Variants in BSX observed in about 807,000 individuals in gnomAD.
BSX encodes the protein brain specific homeobox, also known as brain-specific homeobox protein homolog.
BSX carries 12 observed loss-of-function variants against 16.9 expected under a neutral mutation model. The observed-to-expected ratio is 0.71, with a 90% CI of 0.46 to 1.15. The LOEUF is 1.15. Among genes scored for constraint, BSX ranks in the 50% most tolerant of loss-of-function variants. BSX has a pLI of 0.00. For synonymous variants in BSX, 160 were observed against 136.4 expected (o/e 1.17, Z -1.20); for missense variants, 292 against 311.8 (o/e 0.94, Z 0.48).
intron 1 of BSX, among the ~76,000 whole-genome samples, chr11:122,980,682 A>G (rs1267116611): frequency 6.6e-6 from 1 of 152,180 alleles, no homozygotes; most frequent in Non-Finnish European, 1.5e-5. Context: ...TCCTGTCCCA[A>G]ACAGACTTTG....
intron 2 of BSX, 46 bp downstream of exon 2, chr11:122,979,215 G>A: frequency 6.5e-7 from 1 of 1,545,716 alleles, no homozygotes. Flanking sequence ...CTTGAAGGCA[G>A]AGAGGAACGA....
At position 122,977,655 on chromosome 11, in the gene BSX, C is replaced by A. The variant is rs770005772; in HGVS notation, c.696G>T (p.Val232=). The A allele has an allele frequency of 1.9e-6, 3 of 1,608,416 alleles. No individual in the cohort carries two copies. The highest frequency in any genetic ancestry group is 2.5e-6 in the Non-Finnish European group (3 of 1,179,772). The part of the protein sequence containing the change: ...DEGELGSGPH[V]L Reference sequence around the variant, plus strand: ...CCCTCCCCAGCCTGGCGGCTCAGAGCACGTGCGGCCCTGAGCCCAGCTCCC... The same window carrying A: ...CCCTCCCCAGCCTGGCGGCTCAGAGAACGTGCGGCCCTGAGCCCAGCTCCC... The change falls in exon 3 of 3, where the codon GTG becomes GTT. Residue 232 remains valine, a synonymous_variant. Transcript: ENST00000343035. This position sits in a 1 kb window ranked among gnomAD's most constrained non-coding sequence, Gnocchi z 4.5.
Position 122,977,947 on chromosome 11 carries a change from G to A in BSX, c.460-56C>T. ...GTCATTCCTCCAAATCTGAGCCATC[G>A]CTGGGGTTTAGGAAAATGGGCTGCA... On this transcript the variant is annotated intron_variant, in intron 2 of 2. Transcript: ENST00000343035. The surrounding 1 kb of genome is among the most constrained non-coding windows in gnomAD (Gnocchi z 4.5). 1 of 1,603,394 alleles carries A rather than the reference G, an allele frequency of 6.2e-7. No individual in the cohort carries two copies. Among genetic ancestry groups the A allele is most frequent in the Middle Eastern group, 1.7e-4 (1 of 6,048 alleles).
Position 122,981,648 on chromosome 11 carries a change from A to G in BSX, c.24T>C (p.Pro8=). 6.3e-7 allele frequency: 1 copy of G among 1,592,602 alleles called. No individual in the cohort carries two copies. The highest frequency in any genetic ancestry group is 8.5e-7 in the Non-Finnish European group (1 of 1,170,272). MNLNFTS[P]LHPASSQRPT... ...GCCTCTGAGAAGACGCCGGGTGTAGAGGAGAGGTGAAGTTGAGATTCATCT... is the reference window on the plus strand; with the variant it reads ...GCCTCTGAGAAGACGCCGGGTGTAGGGGAGAGGTGAAGTTGAGATTCATCT... The change falls in exon 1 of 3, where the codon CCT becomes CCC. Residue 8 remains proline (P), a synonymous_variant. Coordinates refer to ENST00000343035, the MANE Select transcript of BSX (RefSeq NM_001098169.2).
intron 1 of BSX, among the ~76,000 whole-genome samples, chr11:122,980,913 C>G (rs2135401791): frequency 6.6e-6 from 1 of 152,258 alleles, no homozygotes; most frequent in South Asian, 2.1e-4. Flanking sequence ...TCATTCACTT[C>G]TATGCCCCCA....
chr11:122,979,674 T>C (rs1438602577), intron 1 of BSX, among the ~76,000 whole-genome samples: 1 of 149,316 alleles, frequency 6.7e-6, no homozygotes, highest in Admixed American at 6.7e-5. Context: ...GAGATCTTTA[T>C]CTGGAAAGTC....
At chr11:122,978,738 T>C (rs1229986283) in intron 2 of BSX, among the ~76,000 whole-genome samples, 1 of 151,760 alleles carries the variant, frequency 6.6e-6, no homozygotes, top group East Asian at 1.9e-4. Context: ...GAAATTTTGC[T>C]TGGGTAAGTA....
intron 2 of BSX, among the ~76,000 whole-genome samples, chr11:122,978,167 G>A (rs1389049881): frequency 6.6e-6 from 1 of 152,192 alleles, no homozygotes; most frequent in Non-Finnish European, 1.5e-5. Context: ...TGCTGCGTGG[G>A]CAAGTCTCTT....
chr11:122,981,412 G>A lies in BSX; in HGVS notation c.260C>T (p.Ser87Leu). 6.6e-7 allele frequency: 1 copy of A among 1,526,674 alleles called. No homozygotes were observed. Among genetic ancestry groups the A allele is most frequent in the Non-Finnish European group, 8.8e-7 (1 of 1,130,500 alleles). The allele number at this position is 1,526,674 out of a possible 1,614,324, so 94.6% of individuals were successfully genotyped here. The change falls in exon 1 of 3, where the codon TCG (serine) becomes TTG (leucine). Residue 87 changes from serine (S) to leucine (L), a missense_variant and splice_region_variant. This residue lies in a region of BSX where 176 missense variants were observed against 187.2 expected (regional missense o/e 0.94). Transcript: ENST00000343035. ...ACCTTGAGGTTCCTGTTACTTACCCGAGGTGGTGAGGAAATAAGGATGATG... is the reference window on the plus strand; with the variant it reads ...ACCTTGAGGTTCCTGTTACTTACCCAAGGTGGTGAGGAAATAAGGATGATG... Reference protein sequence around the residue: ...DHHHPYFLTTSGMPVPALFPH... With the variant: ...DHHHPYFLTTLGMPVPALFPH...
chr11:122,977,917 A>T lies in BSX; in HGVS notation c.460-26T>A. On this transcript the variant is annotated intron_variant, in intron 2 of 2. Transcript: ENST00000343035. The surrounding 1 kb of genome is among the most constrained non-coding windows in gnomAD (Gnocchi z 4.5). ...CTGATTTCGGGGAGATAAAAATAAAATCATGTCATTCCTCCAAATCTGAGC... is the reference window on the plus strand; with the variant it reads ...CTGATTTCGGGGAGATAAAAATAAATTCATGTCATTCCTCCAAATCTGAGC... The T allele has an allele frequency of 6.2e-7, 1 of 1,611,294 alleles. No homozygotes were observed.
At chr11:122,978,528 G>A (rs924582401) in intron 2 of BSX, among the ~76,000 whole-genome samples, 8 of 152,092 alleles carry the variant, frequency 5.3e-5, no homozygotes, top group African/African-American at 1.9e-4. Context: ...AGATTGAAGT[G>A]AGAAAGGGGG....
rs539018983 is a variant in BSX at position 122,978,265 on chromosome 11, G to A, written c.460-374C>T. ...ACAAGAAGATGAGAATTGAAACTCC[G>A]CGTTCTCATCGGAGAGAAAATCAGA... On this transcript the variant is annotated intron_variant, in intron 2 of 2. Transcript: ENST00000343035. 5.3e-5 allele frequency among the ~76,000 whole-genome samples: 8 copies of A among 152,300 alleles called. No homozygotes were observed. In the East Asian group the frequency reaches 1.2e-3, roughly 22 times the overall value.
intron 1 of BSX, 100 bp downstream of exon 1, chr11:122,981,310 C>T (rs963920837): frequency 8.2e-6 from 10 of 1,219,470 alleles, no homozygotes; most frequent in African/African-American, 3.1e-5. Context: ...CAAGCCAGGC[C>T]GAGCCAGTCT....
intron 1 of BSX, 72 bp downstream of exon 1, chr11:122,981,338 A>C: frequency 7.2e-7 from 1 of 1,386,388 alleles, no homozygotes; most frequent in Non-Finnish European, 9.6e-7. Context: ...CCTTGACTCC[A>C]TCACAGGCTT....
intron 1 of BSX, among the ~76,000 whole-genome samples, chr11:122,980,106 C>T (rs1430401624): frequency 1.3e-5 from 2 of 152,160 alleles, no homozygotes; most frequent in Non-Finnish European, 2.9e-5. Flanking sequence ...CGGGGTCGCG[C>T]TAGGGACCCA....
chr11:122,980,818 A>G (rs901213173), intron 1 of BSX, among the ~76,000 whole-genome samples: 12 of 152,220 alleles, frequency 7.9e-5, no homozygotes, highest in African/African-American at 2.9e-4. Context: ...TTAGATGTTG[A>G]GGATGCGGAG....
At chr11:122,981,185 T>A (rs1235949766) in intron 1 of BSX, among the ~76,000 whole-genome samples, 1 of 152,136 alleles carries the variant, frequency 6.6e-6, no homozygotes, top group Non-Finnish European at 1.5e-5. Context: ...TCCTCCGCTA[T>A]GAAGAGTGCG....
Position 122,979,476 on chromosome 11 carries a change from C to T in BSX, c.263-19G>A. ...GGCATCCCTGCAGAGAGAAGAGCAACCAAGTGGGCAGAGCGTGGGTCGCCG... is the reference window on the plus strand; with the variant it reads ...GGCATCCCTGCAGAGAGAAGAGCAATCAAGTGGGCAGAGCGTGGGTCGCCG... On this transcript the variant is annotated intron_variant, in intron 1 of 2. Transcript: ENST00000343035. The T allele has an allele frequency of 6.3e-7, 1 of 1,597,914 alleles. No individual in the cohort carries two copies. Among genetic ancestry groups the T allele is most frequent in the East Asian group, 2.2e-5 (1 of 44,670 alleles).
rs752446127 is a variant in BSX at position 122,981,583 on chromosome 11, G to T, written c.89C>A (p.Pro30His). 2.5e-6 allele frequency: 4 copies of T among 1,599,230 alleles called. No individual in the cohort carries two copies. The South Asian group carries it at 4.5e-5, about 18-fold the overall frequency. ...FFIEDILLHKPKPLREVAPDH... is the reference protein window; with the variant it reads ...FFIEDILLHKHKPLREVAPDH... ...TGGGGCCACCTCTCTCAGCGGCTTGGGCTTGTGCAGCAGGATGTCCTCGAT... is the reference window on the plus strand; with the variant it reads ...TGGGGCCACCTCTCTCAGCGGCTTGTGCTTGTGCAGCAGGATGTCCTCGAT... Residue 30 changes from proline (P) to histidine (H), a missense_variant, in exon 1 of 3, where the codon CCC (proline) becomes CAC (histidine). Transcript: ENST00000343035.
Sources: allele counts gnomAD v4.1 joint callset (sites outside exome capture counted in the v4.1 genomes callset), GRCh38; gene constraint gnomAD v4.1.1; regional missense constraint gnomAD v4.1.1; non-coding constraint Gnocchi (gnomAD v3.1); transcripts MANE v1.5; gene names NCBI Gene and HGNC (gene_info 2026-07-23, HGNC 2026-07-21).